SLC26A7: variants seen among roughly 807,000 people sequenced by gnomAD.
The protein encoded by SLC26A7 is solute carrier family 26 member 7.
Under a neutral mutation model 82.5 loss-of-function variants are expected in SLC26A7, and 59 were observed. The ratio of observed to expected loss-of-function variants is 0.72; its 90% CI spans 0.58 to 0.89. The LOEUF (loss-of-function observed/expected upper bound fraction) is 0.89, where lower values mean the gene tolerates loss of function less well. Ranked by LOEUF, SLC26A7 falls within the 40% of genes least tolerant of loss-of-function variation. The pLI is 0.00. For missense variants in SLC26A7, 820 were observed against 793.0 expected, an observed-to-expected ratio of 1.03 and a Z score of -0.41; for synonymous variants, 271 against 274.3, an observed-to-expected ratio of 0.99 and a Z score of 0.12.
At chr8:91,249,163 T>C (rs536185479), upstream of SLC26A7, 1 of 152,392 alleles carries the variant, frequency 6.6e-6, no homozygotes, top group South Asian at 2.1e-4. Context: ...GCACAGCTTG[T>C]AGAGAGAGAC....
At position 91,340,417 on chromosome 8, in the gene SLC26A7, A is replaced by G; in HGVS notation, c.892A>G (p.Arg298Gly). ...TTCTTTCCACAGAATTCCCTCACCT[A>G]GAGCTCCCCCGATGAACATCCTCTC... Reference protein sequence around the residue: ...GHIPQGIPSPRAPPMNILSAV... With the variant: ...GHIPQGIPSPGAPPMNILSAV... Residue 298 changes from arginine to glycine, a missense_variant, in exon 8 of 19, where the codon AGA (arginine) becomes GGA (glycine). Transcript: ENST00000276609. The G allele has an allele frequency of 1.2e-6, 2 of 1,613,900 alleles. No homozygotes were observed. The highest frequency in any genetic ancestry group is 1.7e-6 in the Non-Finnish European group (2 of 1,179,842).
intron 3 of SLC26A7, among the ~76,000 whole-genome samples, chr8:91,291,008 AG>A (rs1811851860): frequency 1.3e-5 from 2 of 152,148 alleles, no homozygotes; most frequent in African/African-American, 4.8e-5. Flanking sequence ...CACTTTCATA[AG>A]ATCTCTGTTT....
At chr8:91,360,558 A>G (rs1006953011) in intron 11 of SLC26A7, among the ~76,000 whole-genome samples, 1 of 152,190 alleles carries the variant, frequency 6.6e-6, no homozygotes, top group African/African-American at 2.4e-5. Context: ...GGAAATAAGT[A>G]AGCATTTGGA....
intron 2 of SLC26A7, among the ~76,000 whole-genome samples, chr8:91,239,972 A>G (rs909265081): frequency 2.6e-5 from 4 of 152,238 alleles, no homozygotes; most frequent in African/African-American, 2.4e-5. Flanking sequence ...TATCCAAATT[A>G]TCTTAGCAAC....
intron 7 of SLC26A7, among the ~76,000 whole-genome samples, chr8:91,339,118 C>T (rs1813327215): frequency 6.6e-6 from 1 of 152,112 alleles, no homozygotes; most frequent in Admixed American, 6.6e-5. Flanking sequence ...CTTTGAAAGT[C>T]AGCTTATTAT....
At chr8:91,350,324 G>A (rs1455109948) in intron 9 of SLC26A7, among the ~76,000 whole-genome samples, 1 of 151,316 alleles carries the variant, frequency 6.6e-6, no homozygotes, top group African/African-American at 2.4e-5. Flanking sequence ...GTAAGCAATT[G>A]TTAGAGATCT....
intron 2 of SLC26A7, among the ~76,000 whole-genome samples, chr8:91,229,588 T>A (rs377508729): frequency 6.6e-6 from 1 of 152,258 alleles, no homozygotes; most frequent in East Asian, 1.9e-4. Context: ...AACATCAGTA[T>A]ATTTCCCTTC....
chr8:91,316,797 A>G (rs1309897492), intron 4 of SLC26A7, among the ~76,000 whole-genome samples: 1 of 151,564 alleles, frequency 6.6e-6, no homozygotes, highest in Non-Finnish European at 1.5e-5. Context: ...GCATTATGCC[A>G]AAGTGTGGGC....
intron 16 of SLC26A7, among the ~76,000 whole-genome samples, chr8:91,391,101 C>T (rs1022379119): frequency 6.6e-6 from 1 of 152,094 alleles, no homozygotes; most frequent in Non-Finnish European, 1.5e-5. Context: ...TACCTTGTGT[C>T]TCTATTCATT....
At chr8:91,341,000 T>A (rs187814061) in intron 8 of SLC26A7, among the ~76,000 whole-genome samples, 22 of 152,068 alleles carry the variant, frequency 1.4e-4, no homozygotes, top group East Asian at 5.8e-4. Context: ...TTTTTTTTTT[T>A]TATACTTTTA....
rs886501123 is a variant in SLC26A7, at chr8:91,343,384, T to C, written c.1058T>C (p.Val353Ala). 1 of 1,612,270 alleles carries C rather than the reference T, an allele frequency of 6.2e-7. No individual in the cohort carries two copies. The highest frequency in any genetic ancestry group is 1.7e-5 in the Admixed American group (1 of 59,926). The change falls in exon 9 of 19, where the codon GTT (valine) becomes GCT (alanine). Residue 353 changes from valine to alanine, a missense_variant. By Grantham distance (64) the Val-to-Ala change is moderately conservative. Transcript: ENST00000276609. ...TTGGCCCATGGCCTCAGCAATATAG[T>C]TTCTTCATTTTTCTTCTGCATACCA... ...EFLAHGLSNI[V>A]SSFFFCIPSA...
chr8:91,307,014 A>C (rs1161471194), intron 4 of SLC26A7, among the ~76,000 whole-genome samples: 3 of 141,110 alleles, frequency 2.1e-5, no homozygotes, highest in African/African-American at 8.1e-5. Context: ...TTCTCAAAAG[A>C]AGACATTTAT....
upstream of SLC26A7, among the ~76,000 whole-genome samples, chr8:91,245,755 C>A (rs1426759414): frequency 6.6e-6 from 1 of 152,166 alleles, no homozygotes; most frequent in African/African-American, 2.4e-5. Flanking sequence ...CTCTCAGAAA[C>A]CATTAAATGT....
intron 2 of SLC26A7, among the ~76,000 whole-genome samples, chr8:91,287,161 T>C (rs925104496): frequency 1.3e-5 from 2 of 152,202 alleles, no homozygotes; most frequent in African/African-American, 4.8e-5. Context: ...TGTAGAAGAA[T>C]CTCCTGACAT....
chr8:91,365,014 T>A (rs1243396289), intron 13 of SLC26A7, among the ~76,000 whole-genome samples: 1 of 150,700 alleles, frequency 6.6e-6, no homozygotes, highest in African/African-American at 2.5e-5. Flanking sequence ...AAATAATCTG[T>A]CATTTATCTT....
intron 5 of SLC26A7, among the ~76,000 whole-genome samples, chr8:91,319,603 T>C (rs917093042): frequency 5.3e-5 from 8 of 152,172 alleles, no homozygotes; most frequent in African/African-American, 1.9e-4. Flanking sequence ...GCAACATAAT[T>C]CCAAGCTCCA....
At chr8:91,260,353 T>C (rs887577462) in intron 2 of SLC26A7, among the ~76,000 whole-genome samples, 1 of 152,130 alleles carries the variant, frequency 6.6e-6, no homozygotes, top group African/African-American at 2.4e-5. Flanking sequence ...TCTAATCACC[T>C]CCTACCATAT....
At chr8:91,343,999 G>A (rs1009987868) in intron 9 of SLC26A7, 1 of 949,372 alleles carries the variant, frequency 1.1e-6, no homozygotes, top group South Asian at 4.9e-5. Context: ...CATTCTGCTG[G>A]GTACTGGTAA....
At chr8:91,292,058 C>T (rs950792902) in intron 3 of SLC26A7, among the ~76,000 whole-genome samples, 1 of 152,130 alleles carries the variant, frequency 6.6e-6, no homozygotes, top group Admixed American at 6.5e-5. Context: ...GTAGTCCCAG[C>T]CCTTTGGGAG....
Sources: allele counts gnomAD v4.1 joint callset (sites outside exome capture counted in the v4.1 genomes callset), GRCh38; gene constraint gnomAD v4.1.1; transcripts MANE v1.5; gene names NCBI Gene and HGNC (gene_info 2026-07-23, HGNC 2026-07-21).